The following GABRB1 variants were observed in gnomAD, a reference collection of about 807,000 sequenced individuals.
GABRB1 encodes the protein gamma-aminobutyric acid type A receptor subunit beta1.
In GABRB1, 17 loss-of-function variants were observed where a neutral mutation model predicts 51.6. The observed-to-expected ratio is 0.33, with a 90% CI of 0.23 to 0.49. The LOEUF (loss-of-function observed/expected upper bound fraction) is 0.49. GABRB1 is among the 20% of genes least tolerant of loss of function. The pLI is 0.99. For missense variants in GABRB1, 410 were observed against 600.6 expected, an observed-to-expected ratio of 0.68 and a Z score of 3.32; for synonymous variants, 247 against 218.9, an observed-to-expected ratio of 1.13 and a Z score of -1.14.
At chr4:47,037,537 T>G (rs1015840230) in intron 3 of GABRB1, among the ~76,000 whole-genome samples, 7 of 114,872 alleles carry the variant, frequency 6.1e-5, no homozygotes, top group African/African-American at 1.9e-4. Context: ...CGTTTTTTTT[T>G]GTTGTTGTTG....
At chr4:47,052,087 G>C (rs1042135235) in intron 3 of GABRB1, among the ~76,000 whole-genome samples, 4 of 152,098 alleles carry the variant, frequency 2.6e-5, no homozygotes, top group Non-Finnish European at 5.9e-5. Flanking sequence ...CCGAGATTGT[G>C]CCACTGCACT....
At chr4:47,279,575 A>G (rs1723201236) in intron 4 of GABRB1, among the ~76,000 whole-genome samples, 1 of 152,072 alleles carries the variant, frequency 6.6e-6, no homozygotes, top group South Asian at 2.1e-4. Flanking sequence ...TTTGCTTTAT[A>G]TATTTAGGTG....
intron 1 of GABRB1, among the ~76,000 whole-genome samples, chr4:47,014,962 A>C (rs983973080): frequency 8.5e-5 from 13 of 152,194 alleles, no homozygotes; most frequent in African/African-American, 2.9e-4. Context: ...ACTGGAGTGC[A>C]ATGGCACGAT....
intron 3 of GABRB1, among the ~76,000 whole-genome samples, chr4:47,116,016 C>T (rs1715462462): frequency 6.6e-6 from 1 of 152,118 alleles, no homozygotes; most frequent in Non-Finnish European, 1.5e-5. Flanking sequence ...TACATTTAAC[C>T]AATATAAGCC....
At chr4:47,204,517 A>C (rs1337211172) in intron 4 of GABRB1, among the ~76,000 whole-genome samples, 1 of 152,048 alleles carries the variant, frequency 6.6e-6, no homozygotes, top group Non-Finnish European at 1.5e-5. Context: ...TAACCCAAAC[A>C]TACTTGATAT....
At chr4:47,016,290 G>T (rs1409745659) in intron 1 of GABRB1, among the ~76,000 whole-genome samples, 1 of 152,134 alleles carries the variant, frequency 6.6e-6, no homozygotes, top group African/African-American at 2.4e-5. Context: ...CTGCTTTCAG[G>T]CTTTGCCCTA....
chr4:47,175,781 A>G (rs941193631), intron 4 of GABRB1, among the ~76,000 whole-genome samples: 5 of 152,140 alleles, frequency 3.3e-5, no homozygotes, highest in African/African-American at 1.2e-4. Flanking sequence ...TCTCTTCACA[A>G]TATTTCCCTC....
chr4:47,192,733 A>G (rs1286253492), intron 4 of GABRB1, among the ~76,000 whole-genome samples: 1 of 152,242 alleles, frequency 6.6e-6, no homozygotes, highest in Non-Finnish European at 1.5e-5. Flanking sequence ...TTTCTTAAAA[A>G]TAAAAATTGA....
At chr4:47,248,739 T>C (rs1274247946) in intron 4 of GABRB1, among the ~76,000 whole-genome samples, 1 of 151,884 alleles carries the variant, frequency 6.6e-6, no homozygotes, top group East Asian at 1.9e-4. Context: ...GCTAGGATGG[T>C]TCTATTTTTC....
intron 4 of GABRB1, among the ~76,000 whole-genome samples, chr4:47,254,766 A>G (rs1722137121): frequency 6.6e-6 from 1 of 152,130 alleles, no homozygotes; most frequent in South Asian, 2.1e-4. Context: ...TTCTGGCAAT[A>G]CAAGTATTTG....
intron 3 of GABRB1, among the ~76,000 whole-genome samples, chr4:47,122,829 G>A (rs1263643152): frequency 6.6e-6 from 1 of 152,292 alleles, no homozygotes; most frequent in East Asian, 1.9e-4. Context: ...AAAGGAGCAA[G>A]TACTTTCTTC....
chr4:47,137,315 G>A (rs1271071028), intron 3 of GABRB1, among the ~76,000 whole-genome samples: 1 of 87,504 alleles, frequency 1.1e-5, no homozygotes, highest in Non-Finnish European at 2.3e-5. Context: ...GCATGATATC[G>A]CATGTCAGTC....
chr4:47,338,416 T>G lies in GABRB1; in HGVS notation c.544+18207T>G, dbSNP rs190861868. Among the ~76,000 whole-genome samples the G allele has an allele frequency of 5.9e-5, 9 of 152,324 alleles. No homozygotes were observed. The East Asian group carries it at 1.7e-3, about 29-fold the overall frequency. On this transcript the variant is annotated intron_variant, in intron 5 of 8. Transcript: ENST00000295454. Reference sequence around the variant, plus strand: ...TTTTTACAGATGCACCACGCCATTCTCAAGCGTTTTAGACTATTAGAAATT... The same window carrying G: ...TTTTTACAGATGCACCACGCCATTCGCAAGCGTTTTAGACTATTAGAAATT...
At chr4:47,158,489 G>A (rs926732419) in intron 3 of GABRB1, among the ~76,000 whole-genome samples, 1 of 152,062 alleles carries the variant, frequency 6.6e-6, no homozygotes, top group Non-Finnish European at 1.5e-5. Flanking sequence ...AAGCTTTATA[G>A]AAAAGAATTG....
chr4:47,094,225 TTC>T (rs1240809590), intron 3 of GABRB1, among the ~76,000 whole-genome samples: 2 of 122,292 alleles, frequency 1.6e-5, no homozygotes, highest in African/African-American at 6.1e-5. Context: ...TTTTTCTTTT[TTC>T]TCTTTTTTTT....
At chr4:47,314,693 G>A (rs1578087864) in intron 4 of GABRB1, among the ~76,000 whole-genome samples, 1 of 151,918 alleles carries the variant, frequency 6.6e-6, no homozygotes, top group East Asian at 1.9e-4. Context: ...AAGCAATGGG[G>A]AAAGGACTCT....
At chr4:47,200,175 T>C (rs1355027206) in intron 4 of GABRB1, among the ~76,000 whole-genome samples, 1 of 152,190 alleles carries the variant, frequency 6.6e-6, no homozygotes, top group Non-Finnish European at 1.5e-5. Flanking sequence ...ACCAATCGAT[T>C]GTTGGTCCTG....
intron 4 of GABRB1, among the ~76,000 whole-genome samples, chr4:47,167,523 G>T (rs944675718): frequency 4.6e-5 from 7 of 152,040 alleles, no homozygotes; most frequent in African/African-American, 1.4e-4. Flanking sequence ...TGAGCCCAGG[G>T]CCAGGTGGTT....
intron 4 of GABRB1, among the ~76,000 whole-genome samples, chr4:47,308,209 G>T (rs1332289121): frequency 6.6e-6 from 1 of 151,862 alleles, no homozygotes. Flanking sequence ...TGAGGAAAAG[G>T]CATCTGATAT....
Sources: gnomAD v4.1 joint callset for allele counts (sites outside exome capture counted in the v4.1 genomes callset) on GRCh38, gnomAD v4.1.1 for gene constraint, MANE v1.5 for transcripts, NCBI Gene and HGNC (gene_info 2026-07-23, HGNC 2026-07-21) for gene names.